HS6ST2: variants seen among roughly 807,000 people sequenced by gnomAD.
The protein encoded by HS6ST2 is heparan sulfate 6-O-sulfotransferase 2.
HS6ST2 carries 17 observed loss-of-function variants against 33.0 expected under a neutral mutation model. The observed-to-expected ratio is 0.52, with a 90% CI of 0.35 to 0.77. HS6ST2 has a LOEUF of 0.77. HS6ST2 is among the 30% of genes least tolerant of loss of function. HS6ST2 has a pLI of 0.01. For synonymous variants in HS6ST2, 248 were observed against 237.1 expected (o/e 1.05, Z -0.42); for missense variants, 519 against 551.7 (o/e 0.94, Z 0.59).
At chrX:132,679,848 A>G (rs1187846139) in intron 3 of HS6ST2, among the ~76,000 whole-genome samples, 1 of 109,342 alleles carries the variant, frequency 9.1e-6, no homozygotes, top group African/African-American at 3.3e-5. Context: ...TATTTCTCCC[A>G]TTTGCTTTTG....
At chrX:132,958,107 T>G in intron 1 of HS6ST2, 68 bp downstream of exon 1, 2 of 1,016,631 alleles carry the variant, frequency 2.0e-6, no homozygotes, top group South Asian at 5.4e-5. Flanking sequence ...GCGGCTGCCT[T>G]CCCTCCCCGT....
rs745938650 is a variant in HS6ST2, at chrX:132,846,065, G to A, written c.947+110743C>T. Among the ~76,000 whole-genome samples, 11 of 111,629 alleles carry A rather than the reference G, an allele frequency of 9.9e-5. No homozygotes were observed. In the South Asian group the frequency reaches 1.5e-3, roughly 15 times the overall value. Reference sequence around the variant, plus strand: ...AGTGTGGTTGCGTTCTGATGACCCCGCCATAAGGACAATGAAATGTGAATT... The same window carrying A: ...AGTGTGGTTGCGTTCTGATGACCCCACCATAAGGACAATGAAATGTGAATT... On this transcript the variant is annotated intron_variant, in intron 2 of 4. Coordinates refer to ENST00000370833, the MANE Select transcript of HS6ST2 (RefSeq NM_001394073.1).
chrX:132,924,291 G>A (rs2066687161), intron 2 of HS6ST2, among the ~76,000 whole-genome samples: 2 of 111,749 alleles, frequency 1.8e-5, no homozygotes, highest in Admixed American at 1.9e-4. Context: ...CTAAAGGGAA[G>A]AGCAACAATA....
chrX:132,787,153 GTGTATATATATA>G (rs1414507653), intron 2 of HS6ST2, among the ~76,000 whole-genome samples: 1 of 72,588 alleles, frequency 1.4e-5, no homozygotes, highest in East Asian at 3.9e-4. Flanking sequence ...AAGTGTGTGT[GTGTATATATATA>G]TGTATATATA....
At chrX:132,831,909 C>G (rs1198659341) in intron 2 of HS6ST2, among the ~76,000 whole-genome samples, 5 of 112,109 alleles carry the variant, frequency 4.5e-5, no homozygotes, top group Non-Finnish European at 9.4e-5. Flanking sequence ...TTTGCACATT[C>G]TCTTCTTTCT....
At chrX:132,806,456 T>C (rs746276222) in intron 2 of HS6ST2, among the ~76,000 whole-genome samples, 3 of 110,228 alleles carry the variant, frequency 2.7e-5, no homozygotes, top group Admixed American at 1.9e-4. Context: ...GATGATAATA[T>C]GCAAATAATT....
chrX:132,837,332 CGT>C (rs10592129), intron 2 of HS6ST2, among the ~76,000 whole-genome samples: 1,514 of 103,048 alleles, frequency 0.015, 26 homozygotes, highest in East Asian at 0.11. Flanking sequence ...ACAGTATAGC[CGT>C]GTGTGTGTGT....
chrX:132,887,206 A>G (rs2066261861), intron 2 of HS6ST2, among the ~76,000 whole-genome samples: 2 of 111,660 alleles, frequency 1.8e-5, no homozygotes, highest in South Asian at 7.5e-4. Context: ...TCCTTTGAAA[A>G]TGAAGGCAAA....
intron 2 of HS6ST2, among the ~76,000 whole-genome samples, chrX:132,866,063 G>C (rs929973755): frequency 3.6e-5 from 4 of 110,886 alleles, no homozygotes; most frequent in Non-Finnish European, 5.7e-5. Context: ...CCATGCCTAT[G>C]TCCTGAATGG....
intron 2 of HS6ST2, among the ~76,000 whole-genome samples, chrX:132,775,325 T>C (rs2064946235): frequency 9.0e-6 from 1 of 111,330 alleles, no homozygotes; most frequent in Admixed American, 9.6e-5. Context: ...TGACCTTAGG[T>C]GTGCCACACA....
chrX:132,944,486 A>G (rs1353327620), intron 2 of HS6ST2, among the ~76,000 whole-genome samples: 1 of 112,019 alleles, frequency 8.9e-6, no homozygotes, highest in East Asian at 2.8e-4. Context: ...CTTTCTTCAC[A>G]GAATTGGAAA....
intron 2 of HS6ST2, among the ~76,000 whole-genome samples, chrX:132,866,421 C>A (rs201931420): frequency 1.2e-5 from 1 of 85,746 alleles, no homozygotes; most frequent in Non-Finnish European, 2.2e-5. Flanking sequence ...GTGATGCCTC[C>A]AGCTTTGTTC....
chrX:132,696,744 T>C (rs1409524293), intron 3 of HS6ST2, among the ~76,000 whole-genome samples: 4 of 89,115 alleles, frequency 4.5e-5, no homozygotes, highest in Non-Finnish European at 9.2e-5. Context: ...ACTTTGGTCA[T>C]GTTTCGGTAA....
In HS6ST2 at chrX:132,799,710, C is replaced by T. The variant is rs980932418; in HGVS notation, c.948-91216G>A. On this transcript the variant is annotated intron_variant, in intron 2 of 4. Transcript: ENST00000370833. ...TTTTATTTTTGAGCTGTTGAATCTA[C>T]TTCTGCCACAGAATGGTTTTGTGAG... Among the ~76,000 whole-genome samples the T allele has an allele frequency of 5.4e-5, 6 of 110,930 alleles. No individual in the cohort carries two copies. The Admixed American group carries it at 5.8e-4, about 11-fold the overall frequency.
rs149697764 is a variant in HS6ST2, at chrX:132,740,512, T to C, written c.948-32018A>G. Among the ~76,000 whole-genome samples, 807 of 111,809 alleles carry C rather than the reference T, an allele frequency of 7.2e-3. 8 individuals are homozygous for C. The highest frequency in any genetic ancestry group is 0.025 in the African/African-American group (756 of 30,716). On this transcript the variant is annotated intron_variant, in intron 2 of 4. Transcript: ENST00000370833. ...AATCCGGCAGTGATTTGTATTTCCCTGCATTTACTTCTCCTGCTCTGCTTC... is the reference window on the plus strand; with the variant it reads ...AATCCGGCAGTGATTTGTATTTCCCCGCATTTACTTCTCCTGCTCTGCTTC...
chrX:132,855,051 G>C (rs1179412074), intron 2 of HS6ST2, among the ~76,000 whole-genome samples: 2 of 112,268 alleles, frequency 1.8e-5, no homozygotes, highest in African/African-American at 6.5e-5. Context: ...TTTGAACTGA[G>C]TTTAAAATGT....
chrX:132,951,486 C>T (rs947770865), intron 2 of HS6ST2, among the ~76,000 whole-genome samples: 5 of 111,368 alleles, frequency 4.5e-5, no homozygotes, highest in African/African-American at 1.3e-4. Flanking sequence ...TTTTTCTGGC[C>T]TGTTCCTCAT....
At chrX:132,826,505 C>T (rs2065521761) in intron 2 of HS6ST2, among the ~76,000 whole-genome samples, 1 of 110,174 alleles carries the variant, frequency 9.1e-6, no homozygotes, top group South Asian at 3.8e-4. Flanking sequence ...ATATTTGGGG[C>T]CTACTCAGTT....
chrX:132,655,823 A>G (rs1027247940), intron 4 of HS6ST2, among the ~76,000 whole-genome samples: 3 of 111,874 alleles, frequency 2.7e-5, no homozygotes, highest in Non-Finnish European at 5.6e-5. Context: ...TACAATGTGT[A>G]TGTATAGCAT....
Sources: allele counts gnomAD v4.1 joint callset (sites outside exome capture counted in the v4.1 genomes callset), GRCh38; gene constraint gnomAD v4.1.1; transcripts MANE v1.5; gene names NCBI Gene and HGNC (gene_info 2026-07-23, HGNC 2026-07-21).